Variants in NRXN3 observed in about 807,000 individuals in gnomAD.
The protein encoded by NRXN3 is neurexin 3, also known as neurexin III.
Under a neutral mutation model 137.6 loss-of-function variants are expected in NRXN3, and 32 were observed. That is an observed-to-expected ratio of 0.23 (90% CI 0.18 to 0.31). The LOEUF is 0.31. NRXN3 is among the 10% of genes least tolerant of loss of function. The pLI is 1.00. For missense variants in NRXN3, 1,574 were observed against 2,062.5 expected (o/e 0.76, Z 4.59); for synonymous variants, 798 against 784.5 (o/e 1.02, Z -0.29).
At chr14:78,605,503 A>G (rs956450720) in intron 4 of NRXN3, among the ~76,000 whole-genome samples, 4 of 152,196 alleles carry the variant, frequency 2.6e-5, no homozygotes, top group South Asian at 2.1e-4. Flanking sequence ...TTTGACATTC[A>G]GGTCAGATCA....
intron 6 of NRXN3, among the ~76,000 whole-genome samples, chr14:78,705,655 A>G (rs2098338999): frequency 6.6e-6 from 1 of 152,182 alleles, no homozygotes; most frequent in African/African-American, 2.4e-5. Context: ...CTTGATCTTG[A>G]CAACAGCCCT....
chr14:79,000,768 C>T (rs1373299852), intron 15 of NRXN3, among the ~76,000 whole-genome samples: 2 of 152,040 alleles, frequency 1.3e-5, no homozygotes, highest in South Asian at 2.1e-4. Context: ...TGGACACAAT[C>T]GTATTGTCCC....
intron 4 of NRXN3, among the ~76,000 whole-genome samples, chr14:78,346,962 T>A (rs1447276016): frequency 6.6e-6 from 1 of 152,124 alleles, no homozygotes; most frequent in Non-Finnish European, 1.5e-5. Context: ...TGATGGATGG[T>A]GTGGGAGACT....
intron 19 of NRXN3, among the ~76,000 whole-genome samples, chr14:79,716,438 C>A (rs917643474): frequency 1.3e-5 from 2 of 152,164 alleles, no homozygotes; most frequent in African/African-American, 2.4e-5. Flanking sequence ...TTAGCATGTA[C>A]ATTTGTCTAG....
chr14:78,883,715 AG>A (rs2099135581), intron 10 of NRXN3, among the ~76,000 whole-genome samples: 1 of 152,176 alleles, frequency 6.6e-6, no homozygotes, highest in Non-Finnish European at 1.5e-5. Flanking sequence ...TGAGAGTTAA[AG>A]GGGTTAAGTG....
At chr14:79,639,739 G>T (rs2098423376) in intron 16 of NRXN3, among the ~76,000 whole-genome samples, 1 of 152,184 alleles carries the variant, frequency 6.6e-6, no homozygotes, top group Non-Finnish European at 1.5e-5. Flanking sequence ...ACCCGAAGTA[G>T]CTAAGGTCAT....
intron 19 of NRXN3, among the ~76,000 whole-genome samples, chr14:79,738,850 C>A (rs902506985): frequency 6.6e-6 from 1 of 152,094 alleles, no homozygotes; most frequent in Non-Finnish European, 1.5e-5. Context: ...TGAGCCACTG[C>A]GCCCAGCCAA....
chr14:78,524,360 T>C (rs1276584924), intron 4 of NRXN3, among the ~76,000 whole-genome samples: 1 of 152,244 alleles, frequency 6.6e-6, no homozygotes, highest in African/African-American at 2.4e-5. Flanking sequence ...AAGAAGTCAT[T>C]CTATAGCATG....
intron 4 of NRXN3, among the ~76,000 whole-genome samples, chr14:78,449,299 G>A (rs539722075): frequency 1.3e-5 from 2 of 152,254 alleles, no homozygotes; most frequent in Admixed American, 6.5e-5. Context: ...CGTAACCTCC[G>A]CCTTTCAGGC....
intron 15 of NRXN3, among the ~76,000 whole-genome samples, chr14:79,291,103 C>CT (rs2083116234): frequency 6.6e-6 from 1 of 152,070 alleles, no homozygotes; most frequent in Non-Finnish European, 1.5e-5. Context: ...TATTATATAT[C>CT]TTTTTTCATT....
At chr14:79,457,290 C>G (rs1393770926) in intron 15 of NRXN3, among the ~76,000 whole-genome samples, 1 of 152,142 alleles carries the variant, frequency 6.6e-6, no homozygotes, top group Non-Finnish European at 1.5e-5. Flanking sequence ...AGTCAAAAAA[C>G]AAACAAATAA....
intron 16 of NRXN3, among the ~76,000 whole-genome samples, chr14:79,648,185 AAAACAAACAAAC>A (rs199921033): frequency 7.4e-6 from 1 of 134,256 alleles, no homozygotes; most frequent in South Asian, 2.3e-4. Flanking sequence ...CCTACTATAC[AAAACAAACAAAC>A]AAACAAACAA....
intron 15 of NRXN3, among the ~76,000 whole-genome samples, chr14:79,443,748 C>G (rs1191133773): frequency 6.6e-6 from 1 of 152,128 alleles, no homozygotes; most frequent in Non-Finnish European, 1.5e-5. Flanking sequence ...TTAAGAAATT[C>G]CTTGCTATTT....
At chr14:79,534,185 C>T (rs2097192510) in intron 16 of NRXN3, among the ~76,000 whole-genome samples, 1 of 152,128 alleles carries the variant, frequency 6.6e-6, no homozygotes, top group South Asian at 2.1e-4. Flanking sequence ...TTGGAGAAGA[C>T]CACTGGTTTA....
rs138278864 is a variant in NRXN3 at position 79,096,299 on chromosome 14, G to A, written c.3262+108158G>A. Reference sequence around the variant, plus strand: ...ATTTCTTTTGTATTTTAGTAGAGGCGGGGTTTCACTGTGTTGCCCAGGCTG... The same window carrying A: ...ATTTCTTTTGTATTTTAGTAGAGGCAGGGTTTCACTGTGTTGCCCAGGCTG... On this transcript the variant is annotated intron_variant, in intron 15 of 20. Transcript: ENST00000335750. Among the ~76,000 whole-genome samples, 752 of 151,970 alleles carry A rather than the reference G, an allele frequency of 4.9e-3. 3 individuals carry two copies. The highest frequency in any genetic ancestry group is 8.9e-3 in the Non-Finnish European group (604 of 67,974).
intron 8 of NRXN3, among the ~76,000 whole-genome samples, chr14:78,765,373 G>C (rs535996419): frequency 1.3e-5 from 2 of 151,996 alleles, no homozygotes; most frequent in African/African-American, 2.4e-5. Context: ...GGCTGGTCTC[G>C]AACTCTTGAG....
At chr14:79,366,438 A>ACTGTC (rs2093896258) in intron 15 of NRXN3, among the ~76,000 whole-genome samples, 1 of 152,058 alleles carries the variant, frequency 6.6e-6, no homozygotes, top group Non-Finnish European at 1.5e-5. Context: ...GCACCCGCTA[A>ACTGTC]CTGTCTCTAC....
intron 20 of NRXN3, among the ~76,000 whole-genome samples, chr14:79,847,158 G>A (rs931354361): frequency 6.6e-6 from 1 of 152,116 alleles, no homozygotes; most frequent in Non-Finnish European, 1.5e-5. Context: ...TGTGATCTTT[G>A]GAGTATCTGA....
rs1272698755 is a variant in NRXN3 at position 79,648,509 on chromosome 14, C to A, written c.3445-15269C>A. The stretch of plus-strand genomic sequence containing the variant: ...AATAAAACTTATGTGAGCACTCGAT[C>A]CAGCATAAAGTCTCTGAATTTGTAA... On this transcript the variant is annotated intron_variant, in intron 16 of 20. Transcript: ENST00000335750. Among the ~76,000 whole-genome samples, 4 of 135,690 alleles carry A rather than the reference C, an allele frequency of 2.9e-5. 1 individual carries two copies. In the East Asian group the frequency reaches 7.8e-4, roughly 27 times the overall value. The allele number at this position is 135,690 out of a possible 152,430, so 89.0% of individuals were successfully genotyped here.
Sources: allele counts gnomAD v4.1 joint callset (sites outside exome capture counted in the v4.1 genomes callset), GRCh38; gene constraint gnomAD v4.1.1; transcripts MANE v1.5; gene names NCBI Gene and HGNC (gene_info 2026-07-23, HGNC 2026-07-21).